The following HEXD variants were observed in gnomAD, a reference collection of about 807,000 sequenced individuals.
HEXD encodes the protein N-acetyl-beta-galactosaminidase.
A neutral mutation model predicts 54.2 loss-of-function variants in HEXD; 47 were observed. The observed-to-expected ratio is 0.87, with a 90% CI of 0.69 to 1.11. The LOEUF (loss-of-function observed/expected upper bound fraction) is 1.11, where lower values mean the gene tolerates loss of function less well. Ranked by LOEUF, HEXD falls within the 50% of genes least tolerant of loss-of-function variation. The probability of loss-of-function intolerance (pLI) is 0.00; values close to 1 mark genes in which losing one functional copy is unlikely to be tolerated. For missense variants in HEXD, 576 were observed against 649.2 expected, an observed-to-expected ratio of 0.89 and a Z score of 1.23; for synonymous variants, 293 against 287.6, an observed-to-expected ratio of 1.02 and a Z score of -0.19.
chr17:82,424,125 G>T (rs113366349), intron 2 of HEXD, among the ~76,000 whole-genome samples: 1 of 152,146 alleles, frequency 6.6e-6, no homozygotes, highest in South Asian at 2.1e-4. Context: ...GGCCGGACCC[G>T]TCCCTCCCAA....
At chr17:82,422,114 C>T (rs1035005676) in intron 2 of HEXD, among the ~76,000 whole-genome samples, 7 of 149,122 alleles carry the variant, frequency 4.7e-5, no homozygotes, top group South Asian at 2.1e-4. Context: ...TGCAGTAAGC[C>T]GAGATTGTGC....
chr17:82,422,827 A>C (rs548373800), intron 2 of HEXD, among the ~76,000 whole-genome samples: 10 of 151,998 alleles, frequency 6.6e-5, no homozygotes, highest in Non-Finnish European at 1.3e-4. Flanking sequence ...GAGGCTGAGG[A>C]GGGTGGATCA....
intron 2 of HEXD, among the ~76,000 whole-genome samples, chr17:82,424,003 C>T (rs1271546567): frequency 1.3e-5 from 2 of 151,684 alleles, no homozygotes; most frequent in Admixed American, 1.3e-4. Context: ...CATGCCTTGC[C>T]ATTCTCCTTC....
intron 8 of HEXD, 51 bp downstream of exon 8, chr17:82,437,414 C>A: frequency 6.8e-7 from 1 of 1,463,964 alleles, no homozygotes; most frequent in South Asian, 1.3e-5. Context: ...CTCTGGTGGC[C>A]ACCACGTCGG....
rs530662061 is a variant in HEXD at position 82,441,721 on chromosome 17, A to G, written c.1164-79A>G. ...TTAGAAATGTCAACCCCATTCTTAAACATTTTCTGTATTACTGCAAAGCCG... is the reference window on the plus strand; with the variant it reads ...TTAGAAATGTCAACCCCATTCTTAAGCATTTTCTGTATTACTGCAAAGCCG... On this transcript the variant is annotated intron_variant, in intron 11 of 12. Transcript: ENST00000327949. The G allele has an allele frequency of 2.5e-4, 266 of 1,071,894 alleles. 2 individuals are homozygous for G. The Middle Eastern group carries it at 1.0e-2, about 40-fold the overall frequency. The allele number at this position is 1,071,894 out of a possible 1,614,324, so 66.4% of individuals were successfully genotyped here. A position where few individuals can be genotyped will look rare whatever the true frequency, so the allele number is the denominator to read the frequency against.
Position 82,418,351 on chromosome 17 carries a change from C to A in HEXD, c.-441C>A. The A allele has an allele frequency of 9.2e-7, 1 of 1,085,268 alleles. No individual in the cohort carries two copies. The highest frequency in any genetic ancestry group is 1.3e-6 in the Non-Finnish European group (1 of 776,862). The allele number at this position is 1,085,268 out of a possible 1,614,324, so 67.2% of individuals were successfully genotyped here. ...AGGCCCCGCCCCATCAGCCCCAGTC[C>A]CGCCCACTCCATGGCCCTGTCCGCC... is the stretch of plus-strand genomic sequence containing the variant. On this transcript the variant is annotated 5_prime_UTR_variant, in exon 1 of 13. Coordinates refer to ENST00000327949, the MANE Select transcript of HEXD (RefSeq NM_001330542.2).
chr17:82,435,539 C>A, intron 5 of HEXD, 150 bp from the exon 6 acceptor site: 1 of 675,808 alleles, frequency 1.5e-6, no homozygotes, highest in Non-Finnish European at 2.5e-6. Context: ...CAGGGACACG[C>A]TGGGGGTGGT....
chr17:82,432,838 C>T (rs1263907447), intron 4 of HEXD, among the ~76,000 whole-genome samples: 2 of 151,020 alleles, frequency 1.3e-5, no homozygotes, highest in Admixed American at 6.6e-5. Flanking sequence ...CCAAGGCGGG[C>T]AGATCACAAG....
chr17:82,428,494 G>C, intron 3 of HEXD, 64 bp from the exon 4 acceptor site: 1 of 1,406,006 alleles, frequency 7.1e-7, no homozygotes, highest in Non-Finnish European at 1.0e-6. Context: ...AAGGGCTGGG[G>C]GGGTGGGTGT....
Position 82,418,750 on chromosome 17 carries a change from G to C in HEXD, c.-52+10G>C, listed in dbSNP as rs982741303. On this transcript the variant is annotated intron_variant, in intron 1 of 12. Coordinates refer to ENST00000327949, the MANE Select transcript of HEXD (RefSeq NM_001330542.2). ...GACCGCGGCGGCGCAGGTGAGGTGCGGGTGCGGCTCTGGCTCTGCGCGCTA... is the reference window on the plus strand; with the variant it reads ...GACCGCGGCGGCGCAGGTGAGGTGCCGGTGCGGCTCTGGCTCTGCGCGCTA... 6.5e-6 allele frequency: 1 copy of C among 153,422 alleles called. No homozygotes were observed. The allele number at this position is 153,422 out of a possible 1,614,324, so 9.5% of individuals were successfully genotyped here.
Position 82,442,563 on chromosome 17 carries a change from G to A in HEXD, c.*179G>A. 1 of 1,583,890 alleles carries A rather than the reference G, an allele frequency of 6.3e-7. No homozygotes were observed. Among genetic ancestry groups the A allele is most frequent in the Non-Finnish European group, 8.7e-7 (1 of 1,155,894 alleles). On this transcript the variant is annotated 3_prime_UTR_variant, in exon 13 of 13. Transcript: ENST00000327949. The surrounding 1 kb of genome is among the most constrained non-coding windows in gnomAD (Gnocchi z 6.8). ...GGGGGAGAGACTAGAAAACACAGAAGGAAGCAGCACAGGGAGACCCGCTTT... is the reference window on the plus strand; with the variant it reads ...GGGGGAGAGACTAGAAAACACAGAAAGAAGCAGCACAGGGAGACCCGCTTT...
intron 7 of HEXD, 92 bp downstream of exon 7, chr17:82,436,830 G>C: frequency 8.3e-7 from 1 of 1,203,178 alleles, no homozygotes; most frequent in Non-Finnish European, 1.2e-6. Context: ...GAACTGCCCA[G>C]CCTGGAGCCT....
Position 82,441,886 on chromosome 17 carries a change from T to A in HEXD, c.1250T>A (p.Leu417His). Residue 417 changes from leucine to histidine, a missense_variant, in exon 12 of 13, where the codon CTC becomes CAC. Physicochemically the swap from Leu to His is moderately conservative, Grantham distance 99. Coordinates refer to ENST00000327949, the MANE Select transcript of HEXD (RefSeq NM_001330542.2). ...GTTCAGCACATCCAGCCCGCAGCGC[T>A]CAGGTGAGGCCCTGGGCTCTTATAG... ...VMVQHIQPAA[L>H]SLLAQWSTLV... The A allele has an allele frequency of 1.2e-6, 2 of 1,612,880 alleles. No individual in the cohort carries two copies. Among genetic ancestry groups the A allele is most frequent in the Non-Finnish European group, 1.7e-6 (2 of 1,179,804 alleles).
chr17:82,440,045 C>T (rs576365239), intron 9 of HEXD: 14 of 1,314,174 alleles, frequency 1.1e-5, no homozygotes, highest in South Asian at 8.8e-5. Context: ...CCCACCTGGC[C>T]GAGCAGGTGT....
intron 2 of HEXD, 133 bp downstream of exon 2, chr17:82,420,016 A>G: frequency 2.4e-6 from 1 of 425,268 alleles, no homozygotes; most frequent in East Asian, 3.6e-5. Flanking sequence ...AGATGGTGGC[A>G]GCAGCATTGA....
intron 11 of HEXD, 123 bp downstream of exon 11, chr17:82,441,389 G>A (rs2053956694): frequency 8.6e-7 from 1 of 1,167,314 alleles, no homozygotes; most frequent in Non-Finnish European, 1.2e-6. Flanking sequence ...TGAGCGGGCA[G>A]GCATGGGGCA....
intron 4 of HEXD, among the ~76,000 whole-genome samples, chr17:82,432,409 C>T (rs990930332): frequency 1.3e-5 from 2 of 152,090 alleles, no homozygotes; most frequent in Non-Finnish European, 2.9e-5. Context: ...ACAGCGCCCC[C>T]ACAAGGGGTG....
intron 3 of HEXD, among the ~76,000 whole-genome samples, chr17:82,424,851 G>T (rs2053351245): frequency 1.3e-5 from 2 of 152,252 alleles, no homozygotes; most frequent in South Asian, 4.1e-4. Context: ...GTTAGAGAAG[G>T]TTAGAGAAGG....
In HEXD at chr17:82,425,703, C is replaced by G. The variant is rs565977569; in HGVS notation, c.194+1200C>G. The G allele has an allele frequency of 2.2e-4, 33 of 152,578 alleles. 1 individual carries two copies. In the South Asian group the frequency reaches 6.4e-3, roughly 30 times the overall value. The allele number at this position is 152,578 out of a possible 1,614,324, so 9.5% of individuals were successfully genotyped here. A position where few individuals can be genotyped will look rare whatever the true frequency, so the allele number is the denominator to read the frequency against. Reference sequence around the variant, plus strand: ...AATGTGAAGGCCAGGAGCAGTGGCTCACGCCTGTAATCCCAGCAATTTGGG... The same window carrying G: ...AATGTGAAGGCCAGGAGCAGTGGCTGACGCCTGTAATCCCAGCAATTTGGG... On this transcript the variant is annotated intron_variant, in intron 3 of 12. Transcript: ENST00000327949.
Sources: gnomAD v4.1 joint callset for allele counts (sites outside exome capture counted in the v4.1 genomes callset) on GRCh38, gnomAD v4.1.1 for gene constraint, Gnocchi (gnomAD v3.1) non-coding constraint, MANE v1.5 for transcripts, NCBI Gene and HGNC (gene_info 2026-07-23, HGNC 2026-07-21) for gene names.